The following PIWIL2 variants were observed in gnomAD, a reference collection of about 807,000 sequenced individuals.
PIWIL2 encodes piwi like RNA-mediated gene silencing 2, also known as piwi-like protein 2.
PIWIL2 carries 81 observed loss-of-function variants against 116.5 expected under a neutral mutation model. That is an observed-to-expected ratio of 0.70 (90% CI 0.58 to 0.84). PIWIL2 has a LOEUF of 0.84. Ranked by LOEUF, PIWIL2 falls within the 40% of genes least tolerant of loss-of-function variation. PIWIL2 has a pLI of 0.00. For synonymous variants in PIWIL2, 489 were observed against 429.5 expected (o/e 1.14, Z -1.71); for missense variants, 1,272 against 1,212.3 (o/e 1.05, Z -0.73).
At chr8:22,355,122 C>G (rs1832461204) in intron 22 of PIWIL2, among the ~76,000 whole-genome samples, 1 of 150,108 alleles carries the variant, frequency 6.7e-6, no homozygotes. Context: ...CAGGGAAATG[C>G]CTCAATTGAG....
At chr8:22,345,336 G>C (rs893666223) in intron 20 of PIWIL2, among the ~76,000 whole-genome samples, 2 of 152,154 alleles carry the variant, frequency 1.3e-5, no homozygotes, top group Non-Finnish European at 2.9e-5. Flanking sequence ...AATGTTCGTA[G>C]CAACATTATT....
At chr8:22,290,409 C>G (rs574691559) in intron 10 of PIWIL2, 63 bp downstream of exon 10, 107 of 862,856 alleles carry the variant, frequency 1.2e-4, no homozygotes, top group Non-Finnish European at 1.1e-4. Context: ...TCAGTAACAG[C>G]TGGTAATAAC....
intron 20 of PIWIL2, among the ~76,000 whole-genome samples, chr8:22,340,788 G>A (rs886128360): frequency 1.3e-5 from 2 of 151,926 alleles, no homozygotes; most frequent in Non-Finnish European, 2.9e-5. Flanking sequence ...TGGCACGATC[G>A]TAGCTCACTA....
At chr8:22,329,266 C>T (rs1831803392) in intron 20 of PIWIL2, among the ~76,000 whole-genome samples, 1 of 152,114 alleles carries the variant, frequency 6.6e-6, no homozygotes, top group African/African-American at 2.4e-5. Flanking sequence ...TTGTGTCAGG[C>T]CATTCTTGCA....
chr8:22,334,270 T>G (rs1831928578), intron 20 of PIWIL2, among the ~76,000 whole-genome samples: 1 of 151,934 alleles, frequency 6.6e-6, no homozygotes, highest in South Asian at 2.1e-4. Context: ...ACACCACGCC[T>G]GGCCCTGGGT....
intron 20 of PIWIL2, among the ~76,000 whole-genome samples, chr8:22,332,732 A>G (rs1214742944): frequency 6.6e-6 from 1 of 152,146 alleles, no homozygotes; most frequent in African/African-American, 2.4e-5. Flanking sequence ...CTTCAGTCTC[A>G]TAGCCACTGA....
At chr8:22,352,598 C>T (rs1368773964) in intron 20 of PIWIL2, among the ~76,000 whole-genome samples, 2 of 152,158 alleles carry the variant, frequency 1.3e-5, no homozygotes, top group Non-Finnish European at 2.9e-5. Context: ...TTTGCCCCGA[C>T]AGTTATTAGT....
rs377416935 is a variant in PIWIL2, at chr8:22,315,157, C to T, written c.2208+12C>T. 46 of 1,383,970 alleles carry T rather than the reference C, an allele frequency of 3.3e-5. No homozygotes were observed. In the African/African-American group the frequency reaches 4.8e-4, roughly 15 times the overall value. 85.7% of individuals were successfully genotyped at this position (1,383,970 alleles called of 1,614,324 possible). A position where few individuals can be genotyped will look rare whatever the true frequency, so the allele number is the denominator to read the frequency against. ...TGGATATTCCTCTGGTGAGTGATGC[C>T]GAGATGGTTCAGTTTGCCTCTCCAG... On this transcript the variant is annotated intron_variant, in intron 18 of 22. Transcript: ENST00000356766.
chr8:22,279,438 CAGTGCCAGGCTGTACGGATGCCAGGCT>C lies in PIWIL2; in HGVS notation c.53_79del (p.Gln18_Cys27delinsArg). ...GGGCCAGTCTCCTATCCACCCATCC[CAGTGCCAGGCTGTACGGATGCCAGGCT>C]GTTGGCCACAAGCTTCTAAACCTTT... On this transcript the variant is annotated inframe_deletion, in exon 2 of 23. Coordinates refer to ENST00000356766, the MANE Select transcript of PIWIL2 (RefSeq NM_018068.5). The C allele has an allele frequency of 6.2e-7, 1 of 1,614,178 alleles. No homozygotes were observed. The highest frequency in any genetic ancestry group is 8.5e-7 in the Non-Finnish European group (1 of 1,179,994).
In PIWIL2 at chr8:22,304,770, C is replaced by G; in HGVS notation, c.1371-14C>G. The G allele has an allele frequency of 6.3e-7, 1 of 1,587,972 alleles. No individual in the cohort carries two copies. The highest frequency in any genetic ancestry group is 8.6e-7 in the Non-Finnish European group (1 of 1,156,216). On this transcript the variant is annotated splice_polypyrimidine_tract_variant and intron_variant, in intron 11 of 22. Transcript: ENST00000356766. ...CTGCTTCTGAAATTTTTTCCTGCCT[C>G]TACTCTGCTCTAGCAAAAATTATGG... is the stretch of plus-strand genomic sequence containing the variant.
chr8:22,351,777 G>A (rs557918131), intron 20 of PIWIL2, among the ~76,000 whole-genome samples: 1 of 151,544 alleles, frequency 6.6e-6, no homozygotes, highest in African/African-American at 2.4e-5. Context: ...GACCTCAGGT[G>A]ATCCACCCAC....
At chr8:22,316,778 G>A (rs190793652) in intron 19 of PIWIL2, among the ~76,000 whole-genome samples, 61 of 151,822 alleles carry the variant, frequency 4.0e-4, no homozygotes, top group African/African-American at 1.2e-3. Flanking sequence ...CATCATGCCC[G>A]GCTATGAAAT....
At chr8:22,291,042 C>T (rs1411828634) in intron 10 of PIWIL2, among the ~76,000 whole-genome samples, 1 of 151,622 alleles carries the variant, frequency 6.6e-6, no homozygotes, top group Admixed American at 6.6e-5. Flanking sequence ...AATCTTGGCT[C>T]ACTGCACCCT....
chr8:22,330,835 C>G (rs1031138974), intron 20 of PIWIL2, among the ~76,000 whole-genome samples: 2 of 152,040 alleles, frequency 1.3e-5, no homozygotes, highest in African/African-American at 4.8e-5. Context: ...CATACGTGTC[C>G]TACTTTTCTA....
intron 2 of PIWIL2, among the ~76,000 whole-genome samples, chr8:22,280,249 TAGC>T (rs978067291): frequency 1.3e-5 from 2 of 152,222 alleles, no homozygotes; most frequent in African/African-American, 4.8e-5. Context: ...TCTATGATAT[TAGC>T]AGCAGTTTCT....
At chr8:22,351,257 T>G (rs1832346655) in intron 20 of PIWIL2, among the ~76,000 whole-genome samples, 1 of 150,784 alleles carries the variant, frequency 6.6e-6, no homozygotes, top group Admixed American at 6.6e-5. Context: ...AGTTTGAAGC[T>G]GCAGTGGCTA....
chr8:22,330,912 C>A (rs998730468), intron 20 of PIWIL2, among the ~76,000 whole-genome samples: 2 of 152,024 alleles, frequency 1.3e-5, no homozygotes, highest in Non-Finnish European at 2.9e-5. Context: ...AGGTGGCTCA[C>A]GCCTGTAATC....
chr8:22,347,158 A>G (rs1365227163), intron 20 of PIWIL2, among the ~76,000 whole-genome samples: 1 of 149,900 alleles, frequency 6.7e-6, no homozygotes, highest in African/African-American at 2.5e-5. Context: ...CAACAGAGCA[A>G]GACGTTGTCT....
At chr8:22,326,932 T>G (rs1586582100) in intron 20 of PIWIL2, among the ~76,000 whole-genome samples, 1 of 152,106 alleles carries the variant, frequency 6.6e-6, no homozygotes, top group African/African-American at 2.4e-5. Flanking sequence ...TTTTGCCCAG[T>G]GGCCAAGCAT....
Sources: gnomAD v4.1 joint callset for allele counts (sites outside exome capture counted in the v4.1 genomes callset) on GRCh38, gnomAD v4.1.1 for gene constraint, MANE v1.5 for transcripts, NCBI Gene and HGNC (gene_info 2026-07-23, HGNC 2026-07-21) for gene names.